LPA: variants seen among roughly 807,000 people sequenced by gnomAD.
LPA encodes apolipoprotein(a).
In LPA, 199 loss-of-function variants were observed where a neutral mutation model predicts 197.9. That is an observed-to-expected ratio of 1.01 (90% confidence interval 0.90 to 1.13). LPA has a LOEUF of 1.13. Among genes scored for constraint, LPA ranks in the 50% most tolerant of loss-of-function variants. The pLI, the probability that LPA is intolerant of heterozygous loss-of-function variation, is 0.00. For missense variants in LPA, 1,853 were observed against 1,785.8 expected (o/e 1.04, Z -0.68); for synonymous variants, 715 against 639.5 (o/e 1.12, Z -1.78).
chr6:160,553,001 G>A (rs1438098933), intron 30 of LPA, among the ~76,000 whole-genome samples: 1 of 151,714 alleles, frequency 6.6e-6, no homozygotes, highest in East Asian at 1.9e-4. Context: ...GTTGTCCTAG[G>A]ATTTATAATA....
Position 160,594,085 on chromosome 6 carries a change from A to T in LPA, c.3502T>A (p.Cys1168Ser), listed in dbSNP as rs1042049318. 3.1e-6 allele frequency: 5 copies of T among 1,613,802 alleles called. No homozygotes were observed. Among genetic ancestry groups the T allele is most frequent in the Non-Finnish European group, 4.2e-6 (5 of 1,179,866 alleles). ...PTEQSPGVQD[C>S]YHGDGQSYRG... is the part of the protein sequence containing the mutation. ...TAACTCTGTCCATCACCATGGTAGCAATCCTGGACCCCGGGGCTTTGCTCC... is the reference window on the plus strand; with the variant it reads ...TAACTCTGTCCATCACCATGGTAGCTATCCTGGACCCCGGGGCTTTGCTCC... Residue 1168 changes from cysteine (C) to serine (S), a missense_variant, in exon 22 of 39, where the codon TGC becomes AGC. This residue lies in a region of LPA where 1,737 missense variants were observed against 1,504.4 expected (regional missense o/e 1.15). Coordinates refer to ENST00000316300, the MANE Select transcript of LPA (RefSeq NM_005577.4).
chr6:160,590,556 G>GTTTCCT (rs1779006047), intron 23 of LPA, among the ~76,000 whole-genome samples: 2 of 152,212 alleles, frequency 1.3e-5, no homozygotes, highest in African/African-American at 4.8e-5. Context: ...AAACTGTAAA[G>GTTTCCT]CTGAAGTTTG....
At position 160,532,660 on chromosome 6, in the gene LPA, A is replaced by T. The variant is rs779467211; in HGVS notation, c.5843-11T>A. ...CAGTCCCAAAGGTACCTGTGTTTAA[A>T]AAGATGAAAGAAATGGTTACTGAGG... On this transcript the variant is annotated splice_polypyrimidine_tract_variant and intron_variant, in intron 37 of 38. Transcript: ENST00000316300. 5 of 1,540,684 alleles carry T rather than the reference A, an allele frequency of 3.2e-6. No homozygotes were observed. The highest frequency in any genetic ancestry group is 3.6e-6 in the Non-Finnish European group (4 of 1,114,558).
intron 38 of LPA, 141 bp from the exon 39 acceptor site, chr6:160,532,031 T>G (rs1777815097): frequency 2.1e-6 from 2 of 948,438 alleles, no homozygotes; most frequent in Admixed American, 4.0e-5. Context: ...TACTCAAGCA[T>G]CTGCAGTGCT....
rs565044567 is a variant in LPA, at chr6:160,650,443, C to T, written c.104G>A (p.Ser35Asn). The T allele has an allele frequency of 1.6e-5, 26 of 1,613,788 alleles. No individual in the cohort carries two copies. Among genetic ancestry groups the T allele is most frequent in the Non-Finnish European group, 2.1e-5 (25 of 1,179,836 alleles). Residue 35 changes from serine (S) to asparagine (N), a missense_variant, in exon 2 of 39, where the codon AGT becomes AAT. Physicochemically the swap from Ser to Asn is conservative, Grantham distance 46 (BLOSUM62 1). Coordinates refer to ENST00000316300, the MANE Select transcript of LPA (RefSeq NM_005577.4). ...AGTGGTGGAGTACGTGCCTCGATAACTCTGTCCATCACCATGGTAGCAATC... is the reference window on the plus strand; with the variant it reads ...AGTGGTGGAGTACGTGCCTCGATAATTCTGTCCATCACCATGGTAGCAATC... ...VQDCYHGDGQSYRGTYSTTVT... is the reference protein window; with the variant it reads ...VQDCYHGDGQNYRGTYSTTVT...
At chr6:160,583,212 A>T (rs1267432592) in intron 26 of LPA, among the ~76,000 whole-genome samples, 2 of 152,170 alleles carry the variant, frequency 1.3e-5, no homozygotes, top group Non-Finnish European at 2.9e-5. Context: ...GTTATGGGTC[A>T]CACTAAATGC....
At chr6:160,561,145 G>A (rs372668037) in intron 28 of LPA, among the ~76,000 whole-genome samples, 2 of 152,102 alleles carry the variant, frequency 1.3e-5, no homozygotes, top group Non-Finnish European at 2.9e-5. Flanking sequence ...TCCTGACCTC[G>A]TGATCCATCC....
Position 160,559,021 on chromosome 6 carries a change from T to A in LPA, c.4632-1450A>T, listed in dbSNP as rs552869180. Among the ~76,000 whole-genome samples, 12 of 152,326 alleles carry A rather than the reference T, an allele frequency of 7.9e-5. 1 individual carries two copies. The highest frequency in any genetic ancestry group is 3.4e-3 in the Middle Eastern group (1 of 294). ...AAGCAATTTCTGCCCTTTTTACAGT[T>A]GAGATATACTTTCCCACAGAGTGAG... On this transcript the variant is annotated intron_variant, in intron 28 of 38. Transcript: ENST00000316300.
At chr6:160,579,402 G>A (rs538275387) in intron 26 of LPA, among the ~76,000 whole-genome samples, 7 of 152,256 alleles carry the variant, frequency 4.6e-5, no homozygotes, top group South Asian at 2.1e-4. Context: ...TCATGGGCAC[G>A]ACCTCCTCTC....
At chr6:160,653,167 C>G (rs867691455) in intron 1 of LPA, among the ~76,000 whole-genome samples, 1 of 151,946 alleles carries the variant, frequency 6.6e-6, no homozygotes, top group African/African-American at 2.4e-5. Flanking sequence ...TTCAGAACAA[C>G]GAATACTTCC....
At chr6:160,650,522 A>G in intron 1 of LPA, 25 bp from the exon 2 acceptor site, 4 of 1,611,610 alleles carry the variant, frequency 2.5e-6, no homozygotes, top group Non-Finnish European at 3.4e-6. Flanking sequence ...GAAGAAATCA[A>G]GCTGAATAGT....
Position 160,657,204 on chromosome 6 carries a change from C to T in LPA, c.50-6707G>A, listed in dbSNP as rs1030852511. On this transcript the variant is annotated intron_variant, in intron 1 of 38. Coordinates refer to ENST00000316300, the MANE Select transcript of LPA (RefSeq NM_005577.4). ...CTCACAAATCTATTTCACAAAGCTTCGGCCAAGGGTGTATCTTCTGGACCC... is the reference window on the plus strand; with the variant it reads ...CTCACAAATCTATTTCACAAAGCTTTGGCCAAGGGTGTATCTTCTGGACCC... Among the ~76,000 whole-genome samples the T allele has an allele frequency of 7.2e-5, 11 of 152,164 alleles. No homozygotes were observed. In the East Asian group the frequency reaches 7.8e-4, roughly 11 times the overall value.
At chr6:160,553,202 T>C (rs565281256) in intron 30 of LPA, among the ~76,000 whole-genome samples, 2 of 152,198 alleles carry the variant, frequency 1.3e-5, no homozygotes, top group Non-Finnish European at 2.9e-5. Context: ...TCACAAATTG[T>C]CCTTTAAATA....
At chr6:160,595,687 TC>T (rs1424767495) in intron 20 of LPA, 152 bp from the exon 21 acceptor site, 4 of 1,098,424 alleles carry the variant, frequency 3.6e-6, no homozygotes, top group Non-Finnish European at 5.3e-6. Context: ...GTCCTCAACT[TC>T]TAAACAACTG....
At chr6:160,552,486 T>G (rs1778182276) in intron 30 of LPA, among the ~76,000 whole-genome samples, 2 of 152,226 alleles carry the variant, frequency 1.3e-5, no homozygotes, top group Admixed American at 1.3e-4. Context: ...TATTTTTTGG[T>G]TTTGATACTA....
chr6:160,553,954 T>TGTGTGTGTGTGTGCAC (rs771903485), intron 30 of LPA, among the ~76,000 whole-genome samples: 1 of 130,748 alleles, frequency 7.6e-6, no homozygotes, highest in Non-Finnish European at 1.6e-5. Context: ...TGTGTGTGTG[T>TGTGTGTGTGTGTGCAC]GCGCGCGCGC....
chr6:160,589,603 G>A lies in LPA; in HGVS notation c.3897C>T (p.Ser1299=), dbSNP rs201133663. 5.5e-5 allele frequency: 89 copies of A among 1,613,944 alleles called. No individual in the cohort carries two copies. Among genetic ancestry groups the A allele is most frequent in the Middle Eastern group, 1.7e-4 (1 of 6,058 alleles). ...TVTGRTCQSW[S]SMTPHWHQRT... ...TCTGATGCCAGTGTGGTGTCATAGA[G>A]GACCAAGACTGACATGTCCTTCCTG... The change falls in exon 24 of 39, where the codon TCC becomes TCT. Residue 1299 remains serine, a synonymous_variant. Coordinates refer to ENST00000316300, the MANE Select transcript of LPA (RefSeq NM_005577.4).
chr6:160,560,466 T>G (rs1226204867), intron 28 of LPA, among the ~76,000 whole-genome samples: 1 of 152,244 alleles, frequency 6.6e-6, no homozygotes, highest in Non-Finnish European at 1.5e-5. Context: ...GTTTCCTGAC[T>G]TTTTAATGAT....
chr6:160,569,214 C>T (rs1411407873), intron 28 of LPA, among the ~76,000 whole-genome samples: 6 of 152,214 alleles, frequency 3.9e-5, no homozygotes, highest in African/African-American at 1.4e-4. Flanking sequence ...AGGCATCACT[C>T]TGCCTGACTT....
Sources: gnomAD v4.1 joint callset for allele counts (sites outside exome capture counted in the v4.1 genomes callset) on GRCh38, gnomAD v4.1.1 for gene constraint, gnomAD v4.1.1 regional missense constraint, MANE v1.5 for transcripts, NCBI Gene and HGNC (gene_info 2026-07-23, HGNC 2026-07-21) for gene names.